TMCO5A: variants seen among roughly 807,000 people sequenced by gnomAD.
The protein encoded by TMCO5A is transmembrane and coiled-coil domains 5A.
In TMCO5A, 34 loss-of-function variants were observed where a neutral mutation model predicts 42.3. The ratio of observed to expected loss-of-function variants is 0.80; its 90% CI spans 0.61 to 1.07. The LOEUF is 1.07. Ranked by LOEUF, TMCO5A falls within the 50% of genes least tolerant of loss-of-function variation. TMCO5A has a pLI of 0.00. For missense variants in TMCO5A, 357 were observed against 327.9 expected (o/e 1.09, Z -0.69); for synonymous variants, 131 against 115.6 (o/e 1.13, Z -0.86).
chr15:38,022,120 A>G, the TMCO5A span, among the ~76,000 whole-genome samples: 1 of 152,306 alleles, frequency 6.6e-6, no homozygotes, highest in African/African-American at 2.4e-5. Flanking sequence ...AGTTTCTTAC[A>G]AAACTAATCA....
At chr15:37,993,293 T>C in the TMCO5A span, 1 of 152,150 alleles carries the variant, frequency 6.6e-6, no homozygotes, top group Admixed American at 6.5e-5. Flanking sequence ...ATGTTTCTTG[T>C]TGAAAATTGA....
intron 11 of TMCO5A, among the ~76,000 whole-genome samples, chr15:37,959,908 T>C (rs1170800211): frequency 1.3e-5 from 2 of 151,992 alleles, no homozygotes; most frequent in East Asian, 1.9e-4. Context: ...TCAGATGATA[T>C]TATATTTGGG....
chr15:37,967,717 A>G (rs1388490069), exon 12 of TMCO5A: 1 of 152,210 alleles, frequency 6.6e-6, no homozygotes, highest in Non-Finnish European at 1.5e-5. Flanking sequence ...AATACCATGT[A>G]TTAAATTAAA....
chr15:37,983,713 T>G, the TMCO5A span, among the ~76,000 whole-genome samples: 1 of 143,362 alleles, frequency 7.0e-6, no homozygotes, highest in Non-Finnish European at 1.5e-5. Context: ...TTTTTTTCTT[T>G]TTACTGTTTT....
downstream of TMCO5A, among the ~76,000 whole-genome samples, chr15:37,972,196 G>T (rs370498770): frequency 2.0e-5 from 3 of 152,120 alleles, no homozygotes; most frequent in East Asian, 3.9e-4. Context: ...ATCTCGCATC[G>T]CAGCAGACAA....
At chr15:37,949,688 T>C (rs1228709047) in intron 11 of TMCO5A, among the ~76,000 whole-genome samples, 1 of 151,470 alleles carries the variant, frequency 6.6e-6, no homozygotes, top group Admixed American at 6.6e-5. Context: ...CAAGCCCAGA[T>C]GTGTTAAAGA....
intron 5 of TMCO5A, 101 bp downstream of exon 5, chr15:37,937,497 G>A: frequency 3.1e-6 from 4 of 1,272,956 alleles, no homozygotes; most frequent in Non-Finnish European, 4.5e-6. Context: ...CCATAAGTCA[G>A]AGAGGCCTGT....
chr15:38,039,619 T>C, the TMCO5A span, among the ~76,000 whole-genome samples: 1 of 152,194 alleles, frequency 6.6e-6, no homozygotes, highest in African/African-American at 2.4e-5. Flanking sequence ...TATAGATTAC[T>C]CTATAGCAAC....
In TMCO5A at chr15:37,943,351, G is replaced by A. The variant is rs75198817; in HGVS notation, c.580G>A (p.Val194Met). 5,270 of 1,612,220 alleles carry A rather than the reference G, an allele frequency of 3.3e-3. 156 individuals carry two copies. In the African/African-American group the frequency reaches 0.059, roughly 18 times the overall value. The part of the protein sequence containing the change: ...LFLEREVSKL[V>M]SMNPVEKEHT... ...CTGTTATCTTCATAGATCAAAACTCGTGAGCATGAACCCTGTGGAAAAAGA... is the reference window on the plus strand; with the variant it reads ...CTGTTATCTTCATAGATCAAAACTCATGAGCATGAACCCTGTGGAAAAAGA... The change falls in exon 10 of 12, where the codon GTG becomes ATG. Residue 194 changes from valine (V) to methionine (M), a missense_variant. By Grantham distance (21) the Val-to-Met change is conservative. Coordinates refer to ENST00000319669, the MANE Select transcript of TMCO5A (RefSeq NM_152453.4).
chr15:37,954,949 C>T (rs1890249500), downstream of TMCO5A, among the ~76,000 whole-genome samples: 2 of 151,346 alleles, frequency 1.3e-5, no homozygotes, highest in Non-Finnish European at 2.9e-5. Context: ...ACAATGAATA[C>T]ACAAAAAAAT....
chr15:37,965,054 A>C (rs985182731), intron 11 of TMCO5A, among the ~76,000 whole-genome samples: 7 of 152,204 alleles, frequency 4.6e-5, no homozygotes, highest in Non-Finnish European at 1.5e-5. Context: ...CGGTACTGGC[A>C]TAAAAACAGA....
downstream of TMCO5A, among the ~76,000 whole-genome samples, chr15:37,971,665 C>T (rs1442181864): frequency 2.0e-5 from 3 of 152,240 alleles, no homozygotes; most frequent in South Asian, 6.2e-4. Context: ...ATCTTTAATG[C>T]TTTGCTGCCT....
the TMCO5A span, among the ~76,000 whole-genome samples, chr15:38,017,374 G>A: frequency 6.6e-6 from 1 of 152,012 alleles, no homozygotes; most frequent in Non-Finnish European, 1.5e-5. Flanking sequence ...AAGCATGGGA[G>A]TGCGTGGGGT....
At chr15:38,036,692 A>T in the TMCO5A span, among the ~76,000 whole-genome samples, 1 of 152,084 alleles carries the variant, frequency 6.6e-6, no homozygotes. Flanking sequence ...ATCCTCATGG[A>T]TCCGTCAAGA....
the TMCO5A span, among the ~76,000 whole-genome samples, chr15:38,016,246 T>G: frequency 0.017 from 2,571 of 152,270 alleles, 81 homozygotes; most frequent in African/African-American, 0.059. Flanking sequence ...GTCTATTTTT[T>G]AATGGGATTA....
the TMCO5A span, among the ~76,000 whole-genome samples, chr15:38,029,700 T>C: frequency 6.6e-6 from 1 of 152,294 alleles, no homozygotes; most frequent in East Asian, 1.9e-4. Context: ...TCCACCTGCC[T>C]TGGTTTCCCA....
chr15:37,950,009 T>A (rs772985376), intron 11 of TMCO5A, among the ~76,000 whole-genome samples: 1 of 152,194 alleles, frequency 6.6e-6, no homozygotes, highest in African/African-American at 2.4e-5. Flanking sequence ...CCTCACTGCA[T>A]AGACCCTTCC....
intron 10 of TMCO5A, among the ~76,000 whole-genome samples, chr15:37,946,828 T>G (rs966675306): frequency 7.2e-5 from 11 of 152,114 alleles, no homozygotes; most frequent in African/African-American, 2.2e-4. Flanking sequence ...TCTTTTCCTA[T>G]TTGAATAGCC....
chr15:37,966,642 A>G (rs906748951), exon 12 of TMCO5A: 9 of 702,784 alleles, frequency 1.3e-5, no homozygotes, highest in African/African-American at 1.2e-4. Flanking sequence ...TCCTCCTTTT[A>G]GTGGCAAGAT....
Sources: allele counts gnomAD v4.1 joint callset (sites outside exome capture counted in the v4.1 genomes callset), GRCh38; gene constraint gnomAD v4.1.1; transcripts MANE v1.5; gene names NCBI Gene and HGNC (gene_info 2026-07-23, HGNC 2026-07-21).